TOX3: variants seen among roughly 807,000 people sequenced by gnomAD.
The protein encoded by TOX3 is CAG trinucleotide repeat-containing gene F9 protein.
A neutral mutation model predicts 64.3 loss-of-function variants in TOX3; 22 were observed. The observed-to-expected ratio is 0.34, with a 90% CI of 0.24 to 0.49. The LOEUF is 0.49. Among genes scored for constraint, TOX3 ranks in the 20% least tolerant of loss-of-function variants. The pLI, the probability that TOX3 is intolerant of heterozygous loss-of-function variation, is 0.99. For missense variants in TOX3, 661 were observed against 714.4 expected (o/e 0.93, Z 0.85); for synonymous variants, 291 against 273.6 (o/e 1.06, Z -0.63).
chr16:52,524,761 T>G (rs1420529), intron 1 of TOX3, among the ~76,000 whole-genome samples: 85,718 of 151,932 alleles, frequency 0.56, 25,345 homozygotes, highest in African/African-American at 0.74. Flanking sequence ...AGCCTAAACT[T>G]CAGCACGACA....
chr16:52,458,544 G>T (rs1252109692), intron 3 of TOX3, among the ~76,000 whole-genome samples: 4 of 152,130 alleles, frequency 2.6e-5, no homozygotes, highest in African/African-American at 7.2e-5. Flanking sequence ...ATGTTAAAAA[G>T]AAGATACAGG....
At chr16:52,522,838 T>C (rs1177402021) in intron 1 of TOX3, among the ~76,000 whole-genome samples, 1 of 152,214 alleles carries the variant, frequency 6.6e-6, no homozygotes, top group Non-Finnish European at 1.5e-5. Flanking sequence ...TTTTTGTTTT[T>C]TGCGAATCCC....
chr16:52,498,116 C>T (rs1261150097), intron 1 of TOX3, among the ~76,000 whole-genome samples: 3 of 152,176 alleles, frequency 2.0e-5, no homozygotes, highest in African/African-American at 7.2e-5. Context: ...CCGCCAGCTG[C>T]TCTCAATGTA....
At chr16:52,524,805 C>G (rs904726223) in intron 1 of TOX3, among the ~76,000 whole-genome samples, 18 of 152,072 alleles carry the variant, frequency 1.2e-4, no homozygotes, top group Admixed American at 9.2e-4. Flanking sequence ...CTCGACCATC[C>G]TCTCTGGGTC....
intron 1 of TOX3, chr16:52,519,539 T>C: frequency 6.5e-7 from 1 of 1,535,686 alleles, no homozygotes; most frequent in Non-Finnish European, 8.8e-7. Context: ...GACTCTTCTG[T>C]CCTCTGCTGG....
intron 1 of TOX3, among the ~76,000 whole-genome samples, chr16:52,488,325 C>G (rs1228506366): frequency 6.6e-6 from 1 of 152,150 alleles, no homozygotes; most frequent in African/African-American, 2.4e-5. Context: ...GATTTACTGA[C>G]CTCCTTCTCT....
intron 1 of TOX3, among the ~76,000 whole-genome samples, chr16:52,518,876 C>T (rs762909368): frequency 4.6e-5 from 7 of 152,268 alleles, no homozygotes; most frequent in Middle Eastern, 3.4e-3. Flanking sequence ...TGATTTGAAT[C>T]GTATTTCAAT....
Position 52,486,519 on chromosome 16 carries a change from G to A in TOX3, c.88-17945C>T, listed in dbSNP as rs912315013. 2.6e-5 allele frequency among the ~76,000 whole-genome samples: 4 copies of A among 152,222 alleles called. 1 individual carries two copies. The highest frequency in any genetic ancestry group is 2.4e-5 in the African/African-American group (1 of 41,528). Reference sequence around the variant, plus strand: ...TTGTGAAAACAGGACGAACATGCATGTACCTACACAGAACCATATCAAAAA... The same window carrying A: ...TTGTGAAAACAGGACGAACATGCATATACCTACACAGAACCATATCAAAAA... On this transcript the variant is annotated intron_variant, in intron 1 of 6. Transcript: ENST00000219746.
intron 2 of TOX3, among the ~76,000 whole-genome samples, chr16:52,466,572 G>A (rs2151757820): frequency 6.6e-6 from 1 of 152,270 alleles, no homozygotes; most frequent in South Asian, 2.1e-4. Flanking sequence ...AAGATGTACA[G>A]AGAAATCATT....
intron 1 of TOX3, among the ~76,000 whole-genome samples, chr16:52,533,677 G>GA (rs145468842): frequency 4.6e-5 from 7 of 152,026 alleles, no homozygotes; most frequent in Non-Finnish European, 7.4e-5. Context: ...TTATTTAAGA[G>GA]AAAAAAAGAG....
intron 1 of TOX3, among the ~76,000 whole-genome samples, chr16:52,488,807 C>A (rs1035991712): frequency 6.6e-6 from 1 of 152,090 alleles, no homozygotes; most frequent in Non-Finnish European, 1.5e-5. Context: ...GATTAATATA[C>A]CTTGGAGACA....
chr16:52,470,184 T>C (rs1422868997), intron 1 of TOX3, among the ~76,000 whole-genome samples: 9 of 152,246 alleles, frequency 5.9e-5, no homozygotes, highest in Non-Finnish European at 2.9e-5. Context: ...CAAGAAAAAG[T>C]ATTTTAAGTA....
chr16:52,455,152 C>T (rs775306086), intron 3 of TOX3, among the ~76,000 whole-genome samples: 6 of 152,014 alleles, frequency 3.9e-5, no homozygotes, highest in Non-Finnish European at 7.4e-5. Flanking sequence ...TGTAATGTTC[C>T]TTTATATAGT....
chr16:52,450,791 T>TGGAAGGAAGGAA lies in TOX3; in HGVS notation c.409-257_409-246dup, dbSNP rs555228421. Reference sequence around the variant, plus strand: ...TTCATTATAGAACTGTCAGTGGATGTGGAAGGAAGGAAGGAAGGAAGGAAG... The same window carrying TGGAAGGAAGGAA: ...TTCATTATAGAACTGTCAGTGGATGTGGAAGGAAGGAAGGAAGGAAGGAAGGAAGGAAGGAAG... On this transcript the variant is annotated intron_variant, in intron 3 of 6. Transcript: ENST00000219746. Among the ~76,000 whole-genome samples, 491 of 116,594 alleles carry TGGAAGGAAGGAA rather than the reference T, an allele frequency of 4.2e-3. 1 individual carries two copies. Among genetic ancestry groups the TGGAAGGAAGGAA allele is most frequent in the East Asian group, 7.8e-3 (25 of 3,196 alleles). 76.5% of individuals were successfully genotyped at this position (116,594 alleles called of 152,430 possible). A position where few individuals can be genotyped will look rare whatever the true frequency, so the allele number is the denominator to read the frequency against.
chr16:52,474,594 G>A (rs56138448), intron 1 of TOX3, among the ~76,000 whole-genome samples: 25,021 of 151,048 alleles, frequency 0.17, 2,872 homozygotes, highest in East Asian at 0.62. Flanking sequence ...TCTAGCCAGG[G>A]TGACAAAGTG....
chr16:52,492,969 C>T (rs898712226), intron 1 of TOX3, among the ~76,000 whole-genome samples: 3 of 151,638 alleles, frequency 2.0e-5, no homozygotes, highest in Admixed American at 6.6e-5. Flanking sequence ...TTTCTGAAGG[C>T]AAAACAGGTG....
rs552473867 is a variant in TOX3, at chr16:52,459,097, G to T, written c.408+4837C>A. On this transcript the variant is annotated intron_variant, in intron 3 of 6. Transcript: ENST00000219746. ...GGGAGGCCAAGACAGGAGAACAGCT[G>T]GAAGCCAGGAATTCAAGACCAGCCT... Among the ~76,000 whole-genome samples, 3 of 152,216 alleles carry T rather than the reference G, an allele frequency of 2.0e-5. No individual in the cohort carries two copies. The South Asian group carries it at 6.2e-4, about 32-fold the overall frequency.
rs552128041 is a variant in TOX3, at chr16:52,542,396, T to C, written c.87+4241A>G. The stretch of plus-strand genomic sequence containing the variant: ...GTACAAGAATCAGCACACAAGCAAG[T>C]TTTGAGGGTCCCACATAATGATTTT... On this transcript the variant is annotated intron_variant, in intron 1 of 6. Coordinates refer to ENST00000219746, the MANE Select transcript of TOX3 (RefSeq NM_001080430.4). 3.9e-5 allele frequency among the ~76,000 whole-genome samples: 6 copies of C among 152,312 alleles called. No individual in the cohort carries two copies. In the South Asian group the frequency reaches 1.0e-3, roughly 26 times the overall value.
intron 3 of TOX3, among the ~76,000 whole-genome samples, chr16:52,454,367 C>T (rs1404710550): frequency 6.6e-6 from 1 of 152,222 alleles, no homozygotes; most frequent in East Asian, 1.9e-4. Flanking sequence ...AAAAAGATGC[C>T]ATCTCCCACT....
Sources: allele counts gnomAD v4.1 joint callset (sites outside exome capture counted in the v4.1 genomes callset), GRCh38; gene constraint gnomAD v4.1.1; transcripts MANE v1.5; gene names NCBI Gene and HGNC (gene_info 2026-07-23, HGNC 2026-07-21).